Variants in FAM222B observed in about 807,000 individuals in gnomAD.
FAM222B encodes family with sequence similarity 222 member B.
Under a neutral mutation model 38.0 loss-of-function variants are expected in FAM222B, and 12 were observed. That is an observed-to-expected ratio of 0.32 (90% confidence interval 0.20 to 0.51). The LOEUF is 0.51. Ranked by LOEUF, FAM222B falls within the 20% of genes least tolerant of loss-of-function variation. The pLI is 0.97. For missense variants in FAM222B, 716 were observed against 754.2 expected (o/e 0.95, Z 0.59); for synonymous variants, 329 against 317.2 (o/e 1.04, Z -0.40).
At chr17:28,765,446 C>G (rs1373652784) in intron 2 of FAM222B, among the ~76,000 whole-genome samples, 1 of 152,170 alleles carries the variant, frequency 6.6e-6, no homozygotes, top group African/African-American at 2.4e-5. Flanking sequence ...TATTGGCTAT[C>G]TGGGCTTTAC....
chr17:28,758,811 G>T lies in FAM222B; in HGVS notation c.1148C>A (p.Thr383Lys). The T allele has an allele frequency of 6.3e-7, 1 of 1,581,816 alleles. No homozygotes were observed. Residue 383 changes from threonine to lysine, a missense_variant, in exon 3 of 3, where the codon ACG (threonine) becomes AAG (lysine). Transcript: ENST00000581407. The part of the protein sequence containing the change: ...LQQMCSEASG[T>K]PAPGLTGKHA... ...CTTGCCTGTCAGGCCAGGGGCTGGC[G>T]TCCCACTAGCCTCGCTGCACATCTG... is the stretch of plus-strand genomic sequence containing the variant.
intron 2 of FAM222B, among the ~76,000 whole-genome samples, chr17:28,765,497 G>GT (rs1347007994): frequency 6.6e-6 from 1 of 152,150 alleles, no homozygotes; most frequent in Non-Finnish European, 1.5e-5. Flanking sequence ...TTCAGTTAAG[G>GT]TGCTGAAGCA....
At chr17:28,821,811 AATT>A (rs1445823478) in intron 1 of FAM222B, among the ~76,000 whole-genome samples, 3 of 151,756 alleles carry the variant, frequency 2.0e-5, no homozygotes, top group Non-Finnish European at 4.4e-5. Context: ...AAAATACAAA[AATT>A]AGCTGGGCGT....
At chr17:28,853,894 G>T (rs1047569328) in intron 1 of FAM222B, among the ~76,000 whole-genome samples, 1 of 150,474 alleles carries the variant, frequency 6.6e-6, no homozygotes, top group Non-Finnish European at 1.5e-5. Flanking sequence ...CTGACTCTAA[G>T]AACCTTCCTT....
Position 28,819,279 on chromosome 17 carries a change from G to C in FAM222B, c.-41+23403C>G, listed in dbSNP as rs1357119967. Among the ~76,000 whole-genome samples, 5 of 152,088 alleles carry C rather than the reference G, an allele frequency of 3.3e-5. No homozygotes were observed. The East Asian group carries it at 9.6e-4, about 29-fold the overall frequency. Reference sequence around the variant, plus strand: ...AGGAATACTAACATCACATAAAAAAGAGTTGAATGCCACAATATACAAAGA... The same window carrying C: ...AGGAATACTAACATCACATAAAAAACAGTTGAATGCCACAATATACAAAGA... On this transcript the variant is annotated intron_variant, in intron 1 of 2. Coordinates refer to ENST00000581407, the MANE Select transcript of FAM222B (RefSeq NM_001077498.3).
intron 1 of FAM222B, among the ~76,000 whole-genome samples, chr17:28,796,994 C>CTTTTT (rs34242589): frequency 2.3e-4 from 19 of 81,588 alleles, no homozygotes; most frequent in South Asian, 4.8e-4. Context: ...GTGGCTATTG[C>CTTTTT]TTTTTTTTTT....
At chr17:28,760,016 T>G (rs2034996360) in intron 2 of FAM222B, 140 bp from the exon 3 acceptor site, 1 of 828,656 alleles carries the variant, frequency 1.2e-6, no homozygotes, top group Non-Finnish European at 1.9e-6. Context: ...TAGCCTTCAT[T>G]CGAGACCCAG....
At chr17:28,823,302 G>A (rs2038328467) in intron 1 of FAM222B, among the ~76,000 whole-genome samples, 1 of 151,322 alleles carries the variant, frequency 6.6e-6, no homozygotes, top group African/African-American at 2.4e-5. Context: ...CAAATCCTGT[G>A]AGTACTTCTC....
At chr17:28,767,258 C>T (rs1277232471) in intron 1 of FAM222B, among the ~76,000 whole-genome samples, 10 of 152,236 alleles carry the variant, frequency 6.6e-5, no homozygotes, top group South Asian at 4.1e-4. Flanking sequence ...CAGGTTCAAG[C>T]GATTCTCCTG....
intron 1 of FAM222B, among the ~76,000 whole-genome samples, chr17:28,832,197 AT>A (rs1166541183): frequency 1.3e-5 from 2 of 152,132 alleles, no homozygotes; most frequent in Admixed American, 6.5e-5. Flanking sequence ...CTCAAAAAAA[AT>A]AAAATAAAAA....
intron 1 of FAM222B, among the ~76,000 whole-genome samples, chr17:28,841,185 C>G (rs1421707730): frequency 6.6e-6 from 1 of 151,744 alleles, no homozygotes; most frequent in Non-Finnish European, 1.5e-5. Flanking sequence ...ATCCCAGCTA[C>G]TCAGGAGGCT....
chr17:28,799,652 G>C (rs1295605510), intron 1 of FAM222B, among the ~76,000 whole-genome samples: 6 of 152,064 alleles, frequency 3.9e-5, no homozygotes, highest in Non-Finnish European at 7.4e-5. Context: ...CTGTCACCCA[G>C]GCTTCAGTGC....
chr17:28,758,753 G>C lies in FAM222B; in HGVS notation c.1206C>G (p.Gly402=), dbSNP rs781545036. ...GGTAGGCAGGGGCCTTGCCCACAAAGCCAGGCCCTGCCAACTCGCGTCCTG... is the reference window on the plus strand; with the variant it reads ...GGTAGGCAGGGGCCTTGCCCACAAACCCAGGCCCTGCCAACTCGCGTCCTG... The part of the protein sequence containing the change: ...HAAGRELAGP[G]FVGKAPAYPQ... The change falls in exon 3 of 3, where the codon GGC becomes GGG. Residue 402 remains glycine (G), a synonymous_variant. Transcript: ENST00000581407. 36 of 1,573,510 alleles carry C rather than the reference G, an allele frequency of 2.3e-5. No homozygotes were observed. The highest frequency in any genetic ancestry group is 2.9e-5 in the Non-Finnish European group (34 of 1,157,918).
intron 1 of FAM222B, among the ~76,000 whole-genome samples, chr17:28,799,361 G>C (rs1156295031): frequency 6.9e-6 from 1 of 144,894 alleles, no homozygotes; most frequent in African/African-American, 2.6e-5. Context: ...GCAGTGGTGC[G>C]ATCTCAACTC....
At chr17:28,817,135 C>T (rs1018992313) in intron 1 of FAM222B, among the ~76,000 whole-genome samples, 2 of 151,792 alleles carry the variant, frequency 1.3e-5, no homozygotes, top group Non-Finnish European at 2.9e-5. Flanking sequence ...GTAATAAGCC[C>T]GGCGCAGTGG....
intron 1 of FAM222B, among the ~76,000 whole-genome samples, chr17:28,806,766 A>G (rs1475681429): frequency 1.3e-5 from 2 of 152,194 alleles, no homozygotes; most frequent in East Asian, 1.9e-4. Context: ...GGGTAGATAT[A>G]GGAAAACTTC....
intron 1 of FAM222B, among the ~76,000 whole-genome samples, chr17:28,852,924 T>C (rs1242915433): frequency 2.6e-5 from 4 of 151,988 alleles, no homozygotes; most frequent in African/African-American, 9.7e-5. Flanking sequence ...CTGGGCGAGG[T>C]GGCTGACGCC....
At chr17:28,806,756 G>A (rs971017394) in intron 1 of FAM222B, among the ~76,000 whole-genome samples, 1 of 152,020 alleles carries the variant, frequency 6.6e-6, no homozygotes, top group South Asian at 2.1e-4. Flanking sequence ...AAGCCTCTCA[G>A]GGTAGATATA....
chr17:28,763,701 CCT>C (rs960852700), intron 2 of FAM222B, among the ~76,000 whole-genome samples: 12 of 152,304 alleles, frequency 7.9e-5, no homozygotes, highest in Admixed American at 2.0e-4. Flanking sequence ...AGTGACAAAC[CCT>C]CTCTCTATAC....
Sources: allele counts gnomAD v4.1 joint callset (sites outside exome capture counted in the v4.1 genomes callset), GRCh38; gene constraint gnomAD v4.1.1; transcripts MANE v1.5; gene names NCBI Gene and HGNC (gene_info 2026-07-23, HGNC 2026-07-21).